ADAMTS7: variants seen among roughly 807,000 people sequenced by gnomAD.
ADAMTS7 encodes the protein A disintegrin and metalloproteinase with thrombospondin motifs 7.
A neutral mutation model predicts 172.6 loss-of-function variants in ADAMTS7; 89 were observed. That is an observed-to-expected ratio of 0.52 (90% CI 0.43 to 0.61). ADAMTS7 has a LOEUF of 0.61. Among genes scored for constraint, ADAMTS7 ranks in the 20% least tolerant of loss-of-function variants. ADAMTS7 has a pLI of 0.00. For missense variants in ADAMTS7, 1,973 were observed against 2,355.6 expected (o/e 0.84, Z 3.36); for synonymous variants, 885 against 978.4 (o/e 0.90, Z 1.78).
At chr15:78,795,073 G>A (rs1040263270) in intron 4 of ADAMTS7, among the ~76,000 whole-genome samples, 5 of 152,202 alleles carry the variant, frequency 3.3e-5, no homozygotes, top group African/African-American at 1.2e-4. Context: ...GAAAAGTGGG[G>A]GTGAAATGAA....
At position 78,774,922 on chromosome 15, in the gene ADAMTS7, T is replaced by G. The variant is rs912139638; in HGVS notation, c.1707-129A>C. 7.3e-5 allele frequency: 87 copies of G among 1,199,770 alleles called. No homozygotes were observed. In the African/African-American group the frequency reaches 1.2e-3, roughly 17 times the overall value. 74.3% of individuals were successfully genotyped at this position (1,199,770 alleles called of 1,614,324 possible). On this transcript the variant is annotated intron_variant, in intron 11 of 23. Coordinates refer to ENST00000388820, the MANE Select transcript of ADAMTS7 (RefSeq NM_014272.5). Reference sequence around the variant, plus strand: ...CCCTGCTGCCCAGCTTTGTGCACGCTGCTCCCCTCCCTTGGGCTGCCCACC... The same window carrying G: ...CCCTGCTGCCCAGCTTTGTGCACGCGGCTCCCCTCCCTTGGGCTGCCCACC...
At chr15:78,795,786 T>C (rs1230137182) in intron 4 of ADAMTS7, among the ~76,000 whole-genome samples, 4 of 152,186 alleles carry the variant, frequency 2.6e-5, no homozygotes, top group Non-Finnish European at 5.9e-5. Flanking sequence ...AGGAAGCAGC[T>C]TGGAGCCTGA....
At chr15:78,795,016 C>T (rs763130931) in intron 4 of ADAMTS7, among the ~76,000 whole-genome samples, 1 of 152,234 alleles carries the variant, frequency 6.6e-6, no homozygotes, top group Non-Finnish European at 1.5e-5. Flanking sequence ...AATACCCAGT[C>T]GGGTGCGTCT....
At chr15:78,763,587 G>C (rs2055085091) in intron 22 of ADAMTS7, 112 bp downstream of exon 22, 5 of 1,360,442 alleles carry the variant, frequency 3.7e-6, no homozygotes, top group Non-Finnish European at 4.8e-6. Flanking sequence ...CAGTGACAGG[G>C]CCACAAAGAG....
intron 4 of ADAMTS7, among the ~76,000 whole-genome samples, chr15:78,793,874 A>G (rs1046831297): frequency 1.4e-4 from 22 of 152,230 alleles, no homozygotes; most frequent in African/African-American, 4.6e-4. Context: ...GGAGGTAGAC[A>G]GACCTGAGCT....
chr15:78,798,336 C>T (rs547390834), intron 2 of ADAMTS7, among the ~76,000 whole-genome samples: 6 of 152,306 alleles, frequency 3.9e-5, no homozygotes, highest in East Asian at 1.9e-4. Flanking sequence ...ACCTTCAAAG[C>T]GGAGCTCAGA....
rs370492599 is a variant in ADAMTS7, at chr15:78,762,589, A to G, written c.4741-24T>C. ...CACTGAGGGGAGCGGGGGAGGAATGAGTGTCTCCAGGGCCAGCCCTAGCAG... is the reference window on the plus strand; with the variant it reads ...CACTGAGGGGAGCGGGGGAGGAATGGGTGTCTCCAGGGCCAGCCCTAGCAG... On this transcript the variant is annotated intron_variant, in intron 22 of 23. Coordinates refer to ENST00000388820, the MANE Select transcript of ADAMTS7 (RefSeq NM_014272.5). The G allele has an allele frequency of 2.7e-4, 371 of 1,350,208 alleles. 1 individual carries two copies. Among genetic ancestry groups the G allele is most frequent in the Non-Finnish European group, 3.5e-4 (354 of 997,224 alleles). 83.6% of individuals were successfully genotyped at this position (1,350,208 alleles called of 1,614,324 possible).
chr15:78,806,087 C>G (rs113317310), intron 1 of ADAMTS7, among the ~76,000 whole-genome samples: 1 of 37,264 alleles, frequency 2.7e-5, no homozygotes, highest in Non-Finnish European at 5.9e-5. Flanking sequence ...CTCCCCCCCC[C>G]AAAAACACAC....
chr15:78,804,282 G>C (rs2055761290), intron 1 of ADAMTS7, among the ~76,000 whole-genome samples: 1 of 152,206 alleles, frequency 6.6e-6, no homozygotes, highest in Admixed American at 6.5e-5. Context: ...TTGGACACCA[G>C]TTCTAGTCTC....
intron 16 of ADAMTS7, among the ~76,000 whole-genome samples, chr15:78,769,550 T>C (rs2055213055): frequency 6.6e-6 from 1 of 152,214 alleles, no homozygotes; most frequent in African/African-American, 2.4e-5. Context: ...CCTCTCCTTC[T>C]TCCTGCCCAG....
intron 2 of ADAMTS7, among the ~76,000 whole-genome samples, chr15:78,799,286 T>C (rs1442315230): frequency 4.4e-5 from 6 of 136,668 alleles, no homozygotes; most frequent in African/African-American, 1.3e-4. Context: ...ACACATCCCC[T>C]ACTCCTCCCA....
chr15:78,783,664 AAATCC>A (rs1180162586), intron 8 of ADAMTS7, among the ~76,000 whole-genome samples: 1 of 152,236 alleles, frequency 6.6e-6, no homozygotes, highest in Non-Finnish European at 1.5e-5. Flanking sequence ...GAAAAAAGTC[AAATCC>A]ATGTAAGTAA....
At chr15:78,763,376 C>G (rs933463909) in intron 22 of ADAMTS7, among the ~76,000 whole-genome samples, 1 of 152,244 alleles carries the variant, frequency 6.6e-6, no homozygotes, top group Non-Finnish European at 1.5e-5. Context: ...GGCTCCCCGG[C>G]CCCCTCAAGC....
chr15:78,762,155 C>G lies in ADAMTS7; in HGVS notation c.4903+248G>C, dbSNP rs533019645. On this transcript the variant is annotated intron_variant, in intron 23 of 23. Transcript: ENST00000388820. The stretch of plus-strand genomic sequence containing the variant: ...GGCCAGGGCCACTCCCTCTACTCCC[C>G]CAAGGTCAGACAGCTGCCTATGGGA... 4.5e-6 allele frequency: 4 copies of G among 896,732 alleles called. No homozygotes were observed. The East Asian group carries it at 4.8e-4, about 107-fold the overall frequency. 55.5% of individuals were successfully genotyped at this position (896,732 alleles called of 1,614,324 possible). A position where few individuals can be genotyped will look rare whatever the true frequency, so the allele number is the denominator to read the frequency against.
At chr15:78,791,058 A>C (rs2055573703) in intron 5 of ADAMTS7, 82 bp downstream of exon 5, 2 of 1,483,586 alleles carry the variant, frequency 1.3e-6, no homozygotes, top group Non-Finnish European at 9.2e-7. Flanking sequence ...CCCTTCCATA[A>C]AGAGCAGCAC....
At chr15:78,782,354 C>T (rs1434424877) in intron 8 of ADAMTS7, among the ~76,000 whole-genome samples, 2 of 151,310 alleles carry the variant, frequency 1.3e-5, no homozygotes, top group Non-Finnish European at 2.9e-5. Context: ...AACCACCAAA[C>T]AAAACTCTTC....
intron 16 of ADAMTS7, among the ~76,000 whole-genome samples, chr15:78,770,044 T>A (rs1236003725): frequency 6.6e-6 from 1 of 151,890 alleles, no homozygotes; most frequent in Non-Finnish European, 1.5e-5. Flanking sequence ...TGCCTGTAAA[T>A]CCCAGCTACT....
chr15:78,776,722 A>T, intron 10 of ADAMTS7, 27 bp downstream of exon 10: 1 of 1,538,808 alleles, frequency 6.5e-7, no homozygotes, highest in Non-Finnish European at 8.8e-7. Context: ...TCACACACCC[A>T]CTGCCGGGAC....
At chr15:78,807,701 A>G (rs181117589) in intron 1 of ADAMTS7, among the ~76,000 whole-genome samples, 2 of 148,352 alleles carry the variant, frequency 1.3e-5, no homozygotes, top group East Asian at 3.9e-4. Flanking sequence ...GCTTATAACA[A>G]CAGCTGGCAC....
Sources: allele counts gnomAD v4.1 joint callset (sites outside exome capture counted in the v4.1 genomes callset), GRCh38; gene constraint gnomAD v4.1.1; transcripts MANE v1.5; gene names NCBI Gene and HGNC (gene_info 2026-07-23, HGNC 2026-07-21).